RGS6: variants seen among roughly 807,000 people sequenced by gnomAD.
The protein encoded by RGS6 is regulator of G protein signaling 6.
Under a neutral mutation model 78.5 loss-of-function variants are expected in RGS6, and 30 were observed. That is an observed-to-expected ratio of 0.38 (90% CI 0.29 to 0.52). The LOEUF (loss-of-function observed/expected upper bound fraction) is 0.52. Ranked by LOEUF, RGS6 falls within the 20% of genes least tolerant of loss-of-function variation. RGS6 has a pLI of 0.85. For synonymous variants in RGS6, 206 were observed against 206.0 expected (o/e 1.00, Z 0.00); for missense variants, 495 against 609.7 (o/e 0.81, Z 1.98).
intron 3 of RGS6, among the ~76,000 whole-genome samples, chr14:72,367,052 G>C (rs1238635360): frequency 1.3e-5 from 2 of 152,170 alleles, no homozygotes; most frequent in Non-Finnish European, 2.9e-5. Context: ...TTGAGTACCA[G>C]AGACATGATG....
intron 7 of RGS6, 157 bp from the exon 8 acceptor site, chr14:72,469,849 GC>G: frequency 1.6e-6 from 1 of 617,520 alleles, no homozygotes; most frequent in Non-Finnish European, 2.9e-6. Context: ...AGGGTCTGGC[GC>G]AAAGTCAAAT....
the RGS6 span, among the ~76,000 whole-genome samples, chr14:72,613,680 A>G: frequency 6.6e-6 from 1 of 152,154 alleles, no homozygotes; most frequent in Non-Finnish European, 1.5e-5. Flanking sequence ...TCACTTCCAA[A>G]TCTTTCCCCT....
intron 2 of RGS6, among the ~76,000 whole-genome samples, chr14:72,120,300 A>G (rs2096014412): frequency 6.6e-6 from 1 of 152,222 alleles, no homozygotes; most frequent in South Asian, 2.1e-4. Flanking sequence ...CCTTCTTTCA[A>G]ATGACATCTT....
intron 2 of RGS6, among the ~76,000 whole-genome samples, chr14:72,348,325 C>G (rs1156802626): frequency 6.6e-6 from 1 of 152,192 alleles, no homozygotes; most frequent in Non-Finnish European, 1.5e-5. Context: ...ATTGCTTAAC[C>G]TTTCTAAGCC....
chr14:72,119,916 A>G (rs571082975), intron 2 of RGS6, among the ~76,000 whole-genome samples: 5 of 152,342 alleles, frequency 3.3e-5, no homozygotes, highest in Admixed American at 1.3e-4. Flanking sequence ...TTCCGGTAGC[A>G]GAATGAGCCT....
chr14:72,038,112 G>T (rs983552954), intron 2 of RGS6, among the ~76,000 whole-genome samples: 2 of 152,124 alleles, frequency 1.3e-5, no homozygotes, highest in Non-Finnish European at 2.9e-5. Context: ...TGGGACTCCA[G>T]GCACATGCCA....
chr14:72,504,734 C>T (rs1344553198), intron 13 of RGS6, among the ~76,000 whole-genome samples: 1 of 149,792 alleles, frequency 6.7e-6, no homozygotes, highest in Non-Finnish European at 1.5e-5. Context: ...CCCCTCCTCT[C>T]CCCTTCCCTC....
At chr14:72,378,572 T>C (rs1193241633) in intron 3 of RGS6, among the ~76,000 whole-genome samples, 1 of 151,916 alleles carries the variant, frequency 6.6e-6, no homozygotes, top group Non-Finnish European at 1.5e-5. Flanking sequence ...AACAACTCCA[T>C]GCCAGTAAAT....
At chr14:72,177,730 C>T (rs1487875662) in intron 2 of RGS6, among the ~76,000 whole-genome samples, 1 of 152,064 alleles carries the variant, frequency 6.6e-6, no homozygotes, top group African/African-American at 2.4e-5. Context: ...TCCTAAATGG[C>T]CTTTGAGCTT....
intron 2 of RGS6, among the ~76,000 whole-genome samples, chr14:72,128,529 G>A (rs976422701): frequency 6.6e-6 from 1 of 151,782 alleles, no homozygotes; most frequent in African/African-American, 2.4e-5. Context: ...AAATGTGATA[G>A]CATTTGATTG....
intron 2 of RGS6, among the ~76,000 whole-genome samples, chr14:72,206,472 G>T (rs1329766182): frequency 6.6e-6 from 1 of 152,090 alleles, no homozygotes; most frequent in African/African-American, 2.4e-5. Flanking sequence ...ACAATATTGT[G>T]TGTGTGTGTC....
chr14:71,970,228 G>C (rs758965491), intron 2 of RGS6, among the ~76,000 whole-genome samples: 3 of 152,068 alleles, frequency 2.0e-5, no homozygotes, highest in Admixed American at 2.0e-4. Flanking sequence ...ATGAAATAGG[G>C]GTTTTAGAGG....
chr14:71,915,292 G>C, the RGS6 span, among the ~76,000 whole-genome samples: 1 of 151,988 alleles, frequency 6.6e-6, no homozygotes, highest in African/African-American at 2.4e-5. Flanking sequence ...TTGGAGGAGA[G>C]TAAGTAGAGA....
rs2097486202 is a variant in RGS6, at chr14:72,550,332, AAGGCAGGG to A, written c.1422+10245_1422+10252del. On this transcript the variant is annotated intron_variant, in intron 17 of 17. Transcript: ENST00000553525. ...TAGGTATAAGAGGTGGGGGAGAGGGAAGGCAGGGAGGCAGAGGGCACCTGTACTTAGTG... is the reference window on the plus strand; with the variant it reads ...TAGGTATAAGAGGTGGGGGAGAGGGAAGGCAGAGGGCACCTGTACTTAGTG... 8 of 752,112 alleles carry A rather than the reference AAGGCAGGG, an allele frequency of 1.1e-5. No homozygotes were observed. The East Asian group carries it at 1.3e-4, about 13-fold the overall frequency. 46.6% of individuals were successfully genotyped at this position (752,112 alleles called of 1,614,324 possible). A position where few individuals can be genotyped will look rare whatever the true frequency, so the allele number is the denominator to read the frequency against.
At chr14:72,464,478 G>A (rs933766914) in intron 6 of RGS6, among the ~76,000 whole-genome samples, 1 of 152,154 alleles carries the variant, frequency 6.6e-6, no homozygotes, top group Non-Finnish European at 1.5e-5. Flanking sequence ...GCTCCAAAAT[G>A]TCATAGGTAT....
At chr14:72,491,712 A>G (rs549358381) in intron 12 of RGS6, among the ~76,000 whole-genome samples, 2 of 152,348 alleles carry the variant, frequency 1.3e-5, no homozygotes, top group East Asian at 1.9e-4. Context: ...AAGAAAGTGC[A>G]TAGGGACAGA....
chr14:72,362,834 CG>C (rs2081717219), intron 3 of RGS6, among the ~76,000 whole-genome samples: 1 of 152,120 alleles, frequency 6.6e-6, no homozygotes, highest in Non-Finnish European at 1.5e-5. Flanking sequence ...TTGGGAGACA[CG>C]ATTCATTGGA....
intron 2 of RGS6, among the ~76,000 whole-genome samples, chr14:71,977,715 C>A (rs1417719922): frequency 6.6e-6 from 1 of 151,516 alleles, no homozygotes; most frequent in African/African-American, 2.4e-5. Flanking sequence ...CAGCTTCGTT[C>A]TTTTGGCTTA....
intron 2 of RGS6, among the ~76,000 whole-genome samples, chr14:72,325,988 AT>A (rs1395671386): frequency 2.0e-5 from 3 of 152,218 alleles, no homozygotes; most frequent in Non-Finnish European, 4.4e-5. Context: ...AATTGCCAGT[AT>A]TTATCATGCA....
Sources: allele counts gnomAD v4.1 joint callset (sites outside exome capture counted in the v4.1 genomes callset), GRCh38; gene constraint gnomAD v4.1.1; transcripts MANE v1.5; gene names NCBI Gene and HGNC (gene_info 2026-07-23, HGNC 2026-07-21).